The following NDRG4 variants were observed in gnomAD, a reference collection of about 807,000 sequenced individuals.
NDRG4 encodes the protein protein NDRG4.
A neutral mutation model predicts 55.8 loss-of-function variants in NDRG4; 38 were observed. The ratio of observed to expected loss-of-function variants is 0.68; its 90% CI spans 0.53 to 0.89. The LOEUF (loss-of-function observed/expected upper bound fraction) is 0.89, where lower values mean the gene tolerates loss of function less well. NDRG4 is among the 40% of genes least tolerant of loss of function. NDRG4 has a pLI of 0.00. For missense variants in NDRG4, 455 were observed against 468.6 expected, an observed-to-expected ratio of 0.97 and a Z score of 0.27; for synonymous variants, 190 against 182.7, an observed-to-expected ratio of 1.04 and a Z score of -0.32.
chr16:58,505,617 A>C (rs2037834529), intron 5 of NDRG4, among the ~76,000 whole-genome samples: 1 of 151,482 alleles, frequency 6.6e-6, no homozygotes, highest in South Asian at 2.1e-4. Flanking sequence ...ACAGTCTAAC[A>C]GTTGAAAAGA....
At chr16:58,491,353 CCT>C (rs1377360584) in intron 2 of NDRG4, among the ~76,000 whole-genome samples, 5 of 152,182 alleles carry the variant, frequency 3.3e-5, no homozygotes, top group East Asian at 1.9e-4. Flanking sequence ...AGTCCTACCC[CCT>C]CTCTCTGTCT....
chr16:58,504,395 G>A lies in NDRG4; in HGVS notation c.285G>A (p.Met95Ile). ...QFPSMEQLAAMLPSVVQHFGF... is the reference protein window; with the variant it reads ...QFPSMEQLAAILPSVVQHFGF... ...CCTCCATGGAGCAGCTGGCTGCCAT[G>A]CTCCCCAGCGTGGTGCAGCATTTCG... Residue 95 changes from methionine (M) to isoleucine (I), a missense_variant, in exon 4 of 15, where the codon ATG becomes ATA. By Grantham distance (10) the Met-to-Ile change is conservative (BLOSUM62 1). Coordinates refer to ENST00000570248, the MANE Select transcript of NDRG4 (RefSeq NM_001242835.2). 1 of 1,612,706 alleles carries A rather than the reference G, an allele frequency of 6.2e-7. No homozygotes were observed. The highest frequency in any genetic ancestry group is 8.5e-7 in the Non-Finnish European group (1 of 1,180,022).
chr16:58,504,617 G>A lies in NDRG4; in HGVS notation c.340G>A (p.Gly114Ser), dbSNP rs776038643. The A allele has an allele frequency of 6.2e-7, 1 of 1,614,154 alleles. No individual in the cohort carries two copies. The change falls in exon 5 of 15, where the codon GGC (glycine) becomes AGC (serine). Residue 114 changes from glycine to serine, a missense_variant. Coordinates refer to ENST00000570248, the MANE Select transcript of NDRG4 (RefSeq NM_001242835.2). The part of the protein sequence containing the change: ...GFKYVIGIGV[G>S]AGAYVLAKFA... Reference sequence around the variant, plus strand: ...CAAGTATGTGATTGGCATCGGAGTGGGCGCCGGAGCCTATGTGCTGGCCAA... The same window carrying A: ...CAAGTATGTGATTGGCATCGGAGTGAGCGCCGGAGCCTATGTGCTGGCCAA...
chr16:58,474,747 G>T (rs1270000798), intron 1 of NDRG4, among the ~76,000 whole-genome samples: 1 of 152,214 alleles, frequency 6.6e-6, no homozygotes, highest in Non-Finnish European at 1.5e-5. Flanking sequence ...ATGAATAAAT[G>T]ACTTAGGCCT....
intron 1 of NDRG4, among the ~76,000 whole-genome samples, chr16:58,474,662 A>G (rs936369576): frequency 2.6e-5 from 4 of 152,114 alleles, no homozygotes; most frequent in African/African-American, 9.7e-5. Flanking sequence ...CCGAAGGTAG[A>G]TATGTTTGTC....
chr16:58,477,212 A>T (rs572041571), intron 1 of NDRG4, among the ~76,000 whole-genome samples: 1 of 151,820 alleles, frequency 6.6e-6, no homozygotes, highest in South Asian at 2.1e-4. Flanking sequence ...CATACATTTC[A>T]TAGCTCTGCC....
At chr16:58,496,984 C>T (rs1466779796), upstream of NDRG4, 1 of 152,196 alleles carries the variant, frequency 6.6e-6, no homozygotes, top group African/African-American at 2.4e-5. Context: ...ACAAGAATGA[C>T]CCACATATTC....
At position 58,504,399 on chromosome 16, in the gene NDRG4, C is replaced by T; in HGVS notation, c.289C>T (p.Pro97Ser). The change falls in exon 4 of 15, where the codon CCC (proline) becomes TCC (serine). Residue 97 changes from proline to serine, a missense_variant. Pro to Ser is a moderately conservative substitution (Grantham distance 74, BLOSUM62 -1). Transcript: ENST00000570248. The stretch of plus-strand genomic sequence containing the variant: ...CATGGAGCAGCTGGCTGCCATGCTC[C>T]CCAGCGTGGTGCAGCATTTCGGGTG... Reference protein sequence around the residue: ...PSMEQLAAMLPSVVQHFGFKY... With the variant: ...PSMEQLAAMLSSVVQHFGFKY... 6.2e-7 allele frequency: 1 copy of T among 1,612,706 alleles called. No homozygotes were observed. Among genetic ancestry groups the T allele is most frequent in the Non-Finnish European group, 8.5e-7 (1 of 1,180,002 alleles).
chr16:58,511,353 C>G, intron 14 of NDRG4, 69 bp from the exon 15 acceptor site: 1 of 1,500,050 alleles, frequency 6.7e-7, no homozygotes, highest in South Asian at 1.3e-5. Context: ...TGCTTGCAGC[C>G]TACTTTTCCC....
intron 2 of NDRG4, chr16:58,487,996 G>C: frequency 1.7e-6 from 1 of 578,576 alleles, no homozygotes; most frequent in South Asian, 3.3e-5. Context: ...GGGGAGTTCC[G>C]GCAGGCCTGA....
At chr16:58,465,885 A>G (rs906806280) in intron 1 of NDRG4, among the ~76,000 whole-genome samples, 23 of 152,092 alleles carry the variant, frequency 1.5e-4, no homozygotes, top group Admixed American at 1.4e-3. Flanking sequence ...ACCCCCTCCA[A>G]TCCCTTGCCA....
At position 58,464,838 on chromosome 16, in the gene NDRG4, C is replaced by T; in HGVS notation, c.-24+1041C>T. Reference sequence around the variant, plus strand: ...TTCTGGCAGGACCCGCGCCATGGACCTCTTATTTCTGCGCCCTGTGACAAT... The same window carrying T: ...TTCTGGCAGGACCCGCGCCATGGACTTCTTATTTCTGCGCCCTGTGACAAT... On this transcript the variant is annotated intron_variant, in intron 1 of 15. Transcript: ENST00000258187. The surrounding 1 kb of genome is among the most constrained non-coding windows in gnomAD (Gnocchi z 4.8). The T allele has an allele frequency of 1.6e-6, 2 of 1,233,158 alleles. No homozygotes were observed. Among genetic ancestry groups the T allele is most frequent in the East Asian group, 4.7e-5 (1 of 21,406 alleles). The allele number at this position is 1,233,158 out of a possible 1,614,324, so 76.4% of individuals were successfully genotyped here. A position where few individuals can be genotyped will look rare whatever the true frequency, so the allele number is the denominator to read the frequency against.
chr16:58,505,159 C>T (rs1274807601), intron 5 of NDRG4, among the ~76,000 whole-genome samples: 2 of 152,082 alleles, frequency 1.3e-5, no homozygotes, highest in Non-Finnish European at 2.9e-5. Context: ...ACCATCCTGG[C>T]TAACACGGTG....
chr16:58,512,086 G>A lies in NDRG4; in HGVS notation c.*510G>A, dbSNP rs1317475987. On this transcript the variant is annotated 3_prime_UTR_variant, in exon 15 of 15. Transcript: ENST00000570248. ...ATCTGGACAACAGCCACAAGGGGGCGCTCGGACCAGGCAGCCACTTTCCTG... is the reference window on the plus strand; with the variant it reads ...ATCTGGACAACAGCCACAAGGGGGCACTCGGACCAGGCAGCCACTTTCCTG... 2 of 456,652 alleles carry A rather than the reference G, an allele frequency of 4.4e-6. No homozygotes were observed. The highest frequency in any genetic ancestry group is 2.0e-5 in the African/African-American group (1 of 50,080). The allele number at this position is 456,652 out of a possible 1,614,324, so 28.3% of individuals were successfully genotyped here. A position where few individuals can be genotyped will look rare whatever the true frequency, so the allele number is the denominator to read the frequency against.
intron 1 of NDRG4, among the ~76,000 whole-genome samples, chr16:58,472,630 C>A (rs2033033364): frequency 6.6e-6 from 1 of 152,160 alleles, no homozygotes. Context: ...CAGACTGATA[C>A]AAAGAGAGGA....
chr16:58,475,608 C>T (rs2033510910), intron 1 of NDRG4: 1 of 455,840 alleles, frequency 2.2e-6, no homozygotes, highest in East Asian at 6.9e-5. Context: ...TCTCTCATAA[C>T]CAGGATCTCA....
In NDRG4 at chr16:58,511,822, C is replaced by T. The variant is rs1041776663; in HGVS notation, c.*246C>T. On this transcript the variant is annotated 3_prime_UTR_variant, in exon 15 of 15. Transcript: ENST00000570248. ...AACTTGACCCCTCTCATCCCACTCCCGGCGGCCCAGGCACAGAAGGGCAGG... is the reference window on the plus strand; with the variant it reads ...AACTTGACCCCTCTCATCCCACTCCTGGCGGCCCAGGCACAGAAGGGCAGG... The T allele has an allele frequency of 3.2e-5, 18 of 561,848 alleles. No homozygotes were observed. Among genetic ancestry groups the T allele is most frequent in the African/African-American group, 7.4e-5 (4 of 53,846 alleles). 34.8% of individuals were successfully genotyped at this position (561,848 alleles called of 1,614,324 possible). A position where few individuals can be genotyped will look rare whatever the true frequency, so the allele number is the denominator to read the frequency against.
downstream of NDRG4, chr16:58,515,380 G>A (rs545515796): frequency 5.2e-6 from 4 of 763,510 alleles, no homozygotes; most frequent in Admixed American, 6.6e-5. Context: ...GACTCAAGAT[G>A]TTTTCATGAG....
At chr16:58,475,804 CTT>C (rs113786200) in intron 1 of NDRG4, 8 of 324,150 alleles carry the variant, frequency 2.5e-5, no homozygotes, top group East Asian at 8.7e-5. Context: ...CATGTCTCCC[CTT>C]TTTTTTTTCA....
Sources: gnomAD v4.1 joint callset for allele counts (sites outside exome capture counted in the v4.1 genomes callset) on GRCh38, gnomAD v4.1.1 for gene constraint, Gnocchi (gnomAD v3.1) non-coding constraint, MANE v1.5 for transcripts, NCBI Gene and HGNC (gene_info 2026-07-23, HGNC 2026-07-21) for gene names.